The following CNTNAP4 variants were observed in gnomAD, a reference collection of about 807,000 sequenced individuals.
CNTNAP4 encodes contactin associated protein family member 4.
A neutral mutation model predicts 148.4 loss-of-function variants in CNTNAP4; 98 were observed. That is an observed-to-expected ratio of 0.66 (90% CI 0.56 to 0.78). CNTNAP4 has a LOEUF of 0.78. CNTNAP4 is among the 30% of genes least tolerant of loss of function. The pLI is 0.00. For missense variants in CNTNAP4, 1,935 were observed against 1,565.6 expected (o/e 1.24, Z -3.98); for synonymous variants, 730 against 565.1 (o/e 1.29, Z -4.14).
At chr16:76,454,595 G>A (rs149329635) in intron 8 of CNTNAP4, among the ~76,000 whole-genome samples, 189 of 151,502 alleles carry the variant, frequency 1.2e-3, no homozygotes, top group African/African-American at 4.2e-3. Flanking sequence ...TTTTTTTTCC[G>A]TTTCTTTCAC....
intron 21 of CNTNAP4, among the ~76,000 whole-genome samples, chr16:76,551,837 G>T (rs1393832964): frequency 6.6e-6 from 1 of 152,070 alleles, no homozygotes; most frequent in Admixed American, 6.5e-5. Flanking sequence ...GATTCAAGTT[G>T]CCCTGAATAT....
intron 4 of CNTNAP4, among the ~76,000 whole-genome samples, chr16:76,439,541 C>T (rs1395488): frequency 0.34 from 52,237 of 151,964 alleles, 10,920 homozygotes; most frequent in Non-Finnish European, 0.44. Flanking sequence ...ATGCAACTTA[C>T]ATCCTCCGGT....
At chr16:76,366,599 G>A (rs763447074) in intron 3 of CNTNAP4, among the ~76,000 whole-genome samples, 8 of 151,960 alleles carry the variant, frequency 5.3e-5, no homozygotes, top group Admixed American at 1.3e-4. Flanking sequence ...AAACATTTGC[G>A]TGCATGTGTC....
At chr16:76,441,440 G>A (rs548302933) in intron 4 of CNTNAP4, among the ~76,000 whole-genome samples, 1 of 152,184 alleles carries the variant, frequency 6.6e-6, no homozygotes, top group South Asian at 2.1e-4. Flanking sequence ...CTATACCTAC[G>A]GGCACAGGGA....
intron 2 of CNTNAP4, among the ~76,000 whole-genome samples, chr16:76,333,603 G>A (rs1172874597): frequency 6.6e-6 from 1 of 151,926 alleles, no homozygotes; most frequent in Non-Finnish European, 1.5e-5. Context: ...TTCCTCAGGG[G>A]CAGTTTCTAT....
chr16:76,424,088 A>G (rs1456041406), intron 3 of CNTNAP4, among the ~76,000 whole-genome samples: 1 of 152,160 alleles, frequency 6.6e-6, no homozygotes, highest in Non-Finnish European at 1.5e-5. Context: ...ATTAATATAA[A>G]CTGTATCTTA....
chr16:76,469,850 A>G (rs930771250), intron 10 of CNTNAP4, among the ~76,000 whole-genome samples: 4 of 152,148 alleles, frequency 2.6e-5, no homozygotes, highest in Non-Finnish European at 5.9e-5. Flanking sequence ...TCAAAGTAAC[A>G]TTTGCATACT....
At position 76,528,449 on chromosome 16, in the gene CNTNAP4, A is replaced by T. The variant is rs186006097; in HGVS notation, c.2755+6192A>T. Among the ~76,000 whole-genome samples the T allele has an allele frequency of 6.3e-3, 963 of 152,188 alleles. 15 individuals carry two copies. Among genetic ancestry groups the T allele is most frequent in the Non-Finnish European group, 5.1e-3 (347 of 68,004 alleles). On this transcript the variant is annotated intron_variant, in intron 17 of 23. Transcript: ENST00000611870. Reference sequence around the variant, plus strand: ...CCAGGCTATTTTTTGTATTTTTTGTAGAGACGCAGTCTCCCTATGTGCCCA... The same window carrying T: ...CCAGGCTATTTTTTGTATTTTTTGTTGAGACGCAGTCTCCCTATGTGCCCA...
rs1555564517 is a variant in CNTNAP4, at chr16:76,460,773, A to ATATATATATATAT, written c.1334-1183_1334-1182insTATATATATATAT. 2.6e-4 allele frequency among the ~76,000 whole-genome samples: 15 copies of ATATATATATATAT among 57,330 alleles called. 1 individual carries two copies. The highest frequency in any genetic ancestry group is 9.0e-4 in the African/African-American group (14 of 15,558). 37.6% of individuals were successfully genotyped at this position (57,330 alleles called of 152,430 possible). ...TGTCTCAAAAAAAAAAAAAAAAAAAAATATATATATATATATATATATTTA... is the reference window on the plus strand; with the variant it reads ...TGTCTCAAAAAAAAAAAAAAAAAAAATATATATATATATATATATATATATATATATATATTTA... On this transcript the variant is annotated intron_variant, in intron 8 of 23. Transcript: ENST00000611870.
At chr16:76,316,223 C>G (rs887418591) in intron 1 of CNTNAP4, 190 bp from the exon 2 acceptor site, 1 of 619,962 alleles carries the variant, frequency 1.6e-6, no homozygotes, top group Non-Finnish European at 2.9e-6. Context: ...ATTCTCCTGT[C>G]TTTAAGTTTT....
At position 76,508,281 on chromosome 16, in the gene CNTNAP4, A is replaced by G. The variant is rs535079641; in HGVS notation, c.2365+9587A>G. Among the ~76,000 whole-genome samples the G allele has an allele frequency of 6.2e-5, 6 of 97,464 alleles. 2 individuals are homozygous for G. In the East Asian group the frequency reaches 3.2e-3, roughly 52 times the overall value. The allele number at this position is 97,464 out of a possible 152,430, so 63.9% of individuals were successfully genotyped here. On this transcript the variant is annotated intron_variant, in intron 15 of 23. Transcript: ENST00000611870. The stretch of plus-strand genomic sequence containing the variant: ...AATTAAGTAAATATATACTTTTACT[A>G]AAAGGAGTTTAGACTCTATTGAGTT...
At chr16:76,478,785 T>A (rs2081691923) in intron 11 of CNTNAP4, among the ~76,000 whole-genome samples, 1 of 152,164 alleles carries the variant, frequency 6.6e-6, no homozygotes, top group Admixed American at 6.5e-5. Flanking sequence ...GTATGTCTTC[T>A]GCTTTGAATT....
rs77674338 is a variant in CNTNAP4, at chr16:76,291,030, G to A, written c.85+13283G>A. Among the ~76,000 whole-genome samples the A allele has an allele frequency of 0.012, 1,822 of 151,988 alleles. 65 individuals are homozygous for A. In the East Asian group the frequency reaches 0.13, roughly 11 times the overall value. On this transcript the variant is annotated intron_variant, in intron 1 of 23. Transcript: ENST00000611870. ...TAAGGGGCCAGTCTTATTGGATTAGGGCCTCACCCTTACAACCTCATTTAA... is the reference window on the plus strand; with the variant it reads ...TAAGGGGCCAGTCTTATTGGATTAGAGCCTCACCCTTACAACCTCATTTAA...
chr16:76,408,078 T>C (rs1290522645), intron 3 of CNTNAP4, among the ~76,000 whole-genome samples: 1 of 152,100 alleles, frequency 6.6e-6, no homozygotes, highest in Non-Finnish European at 1.5e-5. Flanking sequence ...AGCAATCAAG[T>C]ATTTTAAAAT....
chr16:76,490,665 C>T (rs1253396210), intron 13 of CNTNAP4, among the ~76,000 whole-genome samples: 1 of 152,110 alleles, frequency 6.6e-6, no homozygotes, highest in South Asian at 2.1e-4. Context: ...AATGCTGCCC[C>T]CACTTTTAAG....
intron 3 of CNTNAP4, among the ~76,000 whole-genome samples, chr16:76,379,860 A>G (rs9937490): frequency 0.16 from 24,658 of 152,050 alleles, 2,600 homozygotes; most frequent in East Asian, 0.45. Context: ...TGGGTTAATG[A>G]TATGTGAAGG....
intron 17 of CNTNAP4, among the ~76,000 whole-genome samples, chr16:76,530,793 G>T (rs892373131): frequency 2.0e-5 from 3 of 152,170 alleles, no homozygotes; most frequent in African/African-American, 7.2e-5. Context: ...AACATTGCGT[G>T]ACAAACTTAG....
At chr16:76,496,413 A>G (rs1334785824) in intron 14 of CNTNAP4, among the ~76,000 whole-genome samples, 1 of 152,184 alleles carries the variant, frequency 6.6e-6, no homozygotes, top group Non-Finnish European at 1.5e-5. Flanking sequence ...AACTTCTTGT[A>G]TTAAATTCCG....
intron 3 of CNTNAP4, among the ~76,000 whole-genome samples, chr16:76,394,879 C>T (rs1330412309): frequency 7.9e-5 from 12 of 152,028 alleles, no homozygotes; most frequent in Admixed American, 7.2e-4. Flanking sequence ...TATGTCTTCT[C>T]CCCCAGTCTA....
Sources: gnomAD v4.1 joint callset for allele counts (sites outside exome capture counted in the v4.1 genomes callset) on GRCh38, gnomAD v4.1.1 for gene constraint, MANE v1.5 for transcripts, NCBI Gene and HGNC (gene_info 2026-07-23, HGNC 2026-07-21) for gene names.